Variants in PCDHA1 observed in about 807,000 individuals in gnomAD.
PCDHA1 encodes the protein protocadherin alpha 1.
A neutral mutation model predicts 61.3 loss-of-function variants in PCDHA1; 42 were observed. That is an observed-to-expected ratio of 0.69 (90% CI 0.54 to 0.89). PCDHA1 has a LOEUF of 0.89. Ranked by LOEUF, PCDHA1 falls within the 40% of genes least tolerant of loss-of-function variation. The pLI is 0.00. For synonymous variants in PCDHA1, 610 were observed against 553.8 expected, an observed-to-expected ratio of 1.10 and a Z score of -1.43; for missense variants, 1,256 against 1,235.3, an observed-to-expected ratio of 1.02 and a Z score of -0.25.
intron 1 of PCDHA1, among the ~76,000 whole-genome samples, chr5:140,959,063 A>G (rs190067147): frequency 2.0e-5 from 3 of 152,292 alleles, no homozygotes; most frequent in Admixed American, 2.0e-4. Flanking sequence ...TGCAGTATAT[A>G]TAGAATTCAG....
intron 1 of PCDHA1, chr5:140,816,817 C>A (rs1489513299): frequency 6.6e-6 from 1 of 151,668 alleles, no homozygotes; most frequent in African/African-American, 2.4e-5. Flanking sequence ...ATGCTCTAAT[C>A]TTTTTCCCTC....
In PCDHA1 at chr5:140,830,255, C is replaced by T. The variant is rs142209596; in HGVS notation, c.2394+41571C>T. ...CACGCTACTGCTGTACACAGCGCTG[C>T]GGTGCTCGGCGCCACCCACCGAGGG... On this transcript the variant is annotated intron_variant, in intron 1 of 3. Coordinates refer to ENST00000504120, the MANE Select transcript of PCDHA1 (RefSeq NM_018900.4). 24 of 1,613,502 alleles carry T rather than the reference C, an allele frequency of 1.5e-5. No homozygotes were observed. In the South Asian group the frequency reaches 1.6e-4, roughly 11 times the overall value.
chr5:140,868,792 C>A, intron 1 of PCDHA1: 1 of 326,784 alleles, frequency 3.1e-6, no homozygotes, highest in South Asian at 7.0e-5. Context: ...TCTGAATATT[C>A]CATAAATAAG....
intron 1 of PCDHA1, chr5:140,824,003 C>T: frequency 6.2e-7 from 1 of 1,614,094 alleles, no homozygotes; most frequent in African/African-American, 1.3e-5. Context: ...TGCTCCAGCG[C>T]GGTGGGGAGC....
chr5:140,886,827 GA>G (rs782016620), intron 1 of PCDHA1, among the ~76,000 whole-genome samples: 1,709 of 60,916 alleles, frequency 0.028, 12 homozygotes, highest in African/African-American at 0.032. Flanking sequence ...ACTTCGTCTT[GA>G]AAAAAAAAAA....
Position 140,788,087 on chromosome 5 carries a change from C to T in PCDHA1, c.1797C>T (p.Ala599=), listed in dbSNP as rs572374527. 5.9e-5 allele frequency: 96 copies of T among 1,613,960 alleles called. No homozygotes were observed. The South Asian group carries it at 1.0e-3, about 17-fold the overall frequency. The change falls in exon 1 of 4, where the codon GCC becomes GCT. Residue 599 remains alanine, a synonymous_variant. Transcript: ENST00000504120. ...TGGCGAAGGTGCGCGCAGTGGACGC[C>T]GACTCGGGCTACAACGCGTGGCTGT... The part of the protein sequence containing the change: ...HVVAKVRAVD[A]DSGYNAWLSY...
chr5:141,008,300 C>G (rs1272725012), intron 3 of PCDHA1, among the ~76,000 whole-genome samples: 3 of 152,162 alleles, frequency 2.0e-5, no homozygotes, highest in African/African-American at 7.2e-5. Context: ...GTACCCAACC[C>G]TAAACTGTAA....
intron 1 of PCDHA1, among the ~76,000 whole-genome samples, chr5:140,908,042 C>T (rs2073761027): frequency 1.3e-5 from 2 of 152,196 alleles, no homozygotes; most frequent in African/African-American, 2.4e-5. Context: ...TATATAATTG[C>T]ACATCCGGCC....
chr5:140,824,104 CAG>C, intron 1 of PCDHA1: 1 of 1,614,126 alleles, frequency 6.2e-7, no homozygotes, highest in Non-Finnish European at 8.5e-7. Flanking sequence ...AAGCCTTCCT[CAG>C]GGTCCCACCT....
At chr5:140,978,904 A>G (rs2096828000) in intron 1 of PCDHA1, 45 bp from the exon 2 acceptor site, 2 of 1,613,322 alleles carry the variant, frequency 1.2e-6, no homozygotes, top group Non-Finnish European at 8.5e-7. Flanking sequence ...CTGGGAGAAC[A>G]TTGTCTTGTC....
At chr5:140,861,631 C>A (rs960525062) in intron 1 of PCDHA1, 2 of 314,942 alleles carry the variant, frequency 6.4e-6, no homozygotes, top group Non-Finnish European at 1.3e-5. Context: ...GTGTTCTCAG[C>A]AACACAAAAG....
chr5:140,830,242 G>A, intron 1 of PCDHA1: 1 of 1,613,960 alleles, frequency 6.2e-7, no homozygotes, highest in Non-Finnish European at 8.5e-7. Context: ...CGCTACTGCT[G>A]TACACAGCGC....
chr5:140,855,292 C>A lies in PCDHA1; in HGVS notation c.2394+66608C>A, dbSNP rs950015519. Reference sequence around the variant, plus strand: ...ACTCAACCACCGTATTACTATTAGGCCAAAGTTATAAAATTGGAACATGAG... The same window carrying A: ...ACTCAACCACCGTATTACTATTAGGACAAAGTTATAAAATTGGAACATGAG... On this transcript the variant is annotated intron_variant, in intron 1 of 3. Transcript: ENST00000504120. Among the ~76,000 whole-genome samples, 36 of 149,604 alleles carry A rather than the reference C, an allele frequency of 2.4e-4. 2 individuals carry two copies. Among genetic ancestry groups the A allele is most frequent in the African/African-American group, 8.6e-4 (35 of 40,780 alleles).
At chr5:140,830,062 G>A (rs1770788840) in intron 1 of PCDHA1, 3 of 1,613,698 alleles carry the variant, frequency 1.9e-6, no homozygotes, top group Non-Finnish European at 1.7e-6. Flanking sequence ...ACGGTGAGCC[G>A]GCGCTGACAG....
intron 1 of PCDHA1, chr5:140,876,061 C>G (rs782151232): frequency 6.2e-7 from 1 of 1,613,778 alleles, no homozygotes; most frequent in Non-Finnish European, 8.5e-7. Context: ...ATTAGTTCTT[C>G]GGAAGTTATT....
chr5:140,978,845 T>C, intron 1 of PCDHA1, 104 bp from the exon 2 acceptor site: 7 of 1,569,708 alleles, frequency 4.5e-6, no homozygotes, highest in Non-Finnish European at 6.1e-6. Flanking sequence ...AATACTTTTT[T>C]AGATGCCTGG....
At chr5:140,797,466 C>T (rs1554120448) in intron 1 of PCDHA1, 1 of 1,251,228 alleles carries the variant, frequency 8.0e-7, no homozygotes, top group South Asian at 1.5e-5. Flanking sequence ...TATCATCCTA[C>T]CGTGCGATTT....
intron 1 of PCDHA1, chr5:140,849,693 A>T (rs2150445321): frequency 6.3e-7 from 1 of 1,598,584 alleles, no homozygotes; most frequent in South Asian, 1.1e-5. Flanking sequence ...GCTGGTGTCC[A>T]CCTACAAGAA....
chr5:140,823,823 C>T lies in PCDHA1; in HGVS notation c.2394+35139C>T, dbSNP rs2150129427. 5.6e-6 allele frequency: 9 copies of T among 1,613,816 alleles called. No homozygotes were observed. In the Admixed American group the frequency reaches 1.3e-4, roughly 24 times the overall value. On this transcript the variant is annotated intron_variant, in intron 1 of 3. Coordinates refer to ENST00000504120, the MANE Select transcript of PCDHA1 (RefSeq NM_018900.4). ...CCGAAGGCCTCATCGCGGGCGTCGG[C>T]GGGCGCTGTGGGTCCCGAGGCTGCC... is the stretch of plus-strand genomic sequence containing the variant.
Sources: gnomAD v4.1 joint callset for allele counts (sites outside exome capture counted in the v4.1 genomes callset) on GRCh38, gnomAD v4.1.1 for gene constraint, MANE v1.5 for transcripts, NCBI Gene and HGNC (gene_info 2026-07-23, HGNC 2026-07-21) for gene names.